Variants in ABCC1 observed in about 807,000 individuals in gnomAD.
ABCC1 encodes multidrug resistance-associated protein 1.
A neutral mutation model predicts 172.9 loss-of-function variants in ABCC1; 83 were observed. The ratio of observed to expected loss-of-function variants is 0.48; its 90% CI spans 0.40 to 0.58. The LOEUF (loss-of-function observed/expected upper bound fraction) is 0.58, where lower values mean the gene tolerates loss of function less well. Ranked by LOEUF, ABCC1 falls within the 20% of genes least tolerant of loss-of-function variation. ABCC1 has a pLI of 0.00. For synonymous variants in ABCC1, 937 were observed against 825.2 expected (o/e 1.14, Z -2.32); for missense variants, 1,817 against 2,002.7 (o/e 0.91, Z 1.77).
intron 27 of ABCC1, among the ~76,000 whole-genome samples, chr16:16,133,974 C>A (rs1334281227): frequency 6.6e-6 from 1 of 152,126 alleles, no homozygotes; most frequent in Non-Finnish European, 1.5e-5. Context: ...GGGAAACTCA[C>A]CATCAAAGGT....
chr16:16,106,633 C>G (rs1164573037), intron 20 of ABCC1, 105 bp from the exon 21 acceptor site: 1 of 1,407,034 alleles, frequency 7.1e-7, no homozygotes, highest in East Asian at 2.3e-5. Flanking sequence ...AACACTCCGT[C>G]TCTTATGCCA....
At chr16:16,048,100 A>C (rs770496823) in intron 9 of ABCC1, 42 bp from the exon 10 acceptor site, 3 of 1,608,812 alleles carry the variant, frequency 1.9e-6, no homozygotes, top group Non-Finnish European at 2.5e-6. Context: ...AGGCCTCTTC[A>C]GCTGCCACAC....
chr16:16,139,585 C>G (rs2046050363), intron 30 of ABCC1, among the ~76,000 whole-genome samples: 1 of 115,482 alleles, frequency 8.7e-6, no homozygotes, highest in East Asian at 2.6e-4. Context: ...GCAGTCCAGC[C>G]TGGGCAACAG....
At chr16:16,086,754 G>A (rs1008011705) in intron 17 of ABCC1, 70 bp from the exon 18 acceptor site, 13 of 1,560,838 alleles carry the variant, frequency 8.3e-6, no homozygotes, top group African/African-American at 6.7e-5. Flanking sequence ...CACCACACTC[G>A]GCCTGCTTCT....
intron 5 of ABCC1, among the ~76,000 whole-genome samples, chr16:16,029,791 G>C (rs1376998193): frequency 6.6e-6 from 1 of 152,114 alleles, no homozygotes; most frequent in Non-Finnish European, 1.5e-5. Flanking sequence ...TGAGGCAGGA[G>C]GATCACTTAA....
chr16:16,026,264 C>T (rs2048364199), intron 5 of ABCC1, among the ~76,000 whole-genome samples: 2 of 150,708 alleles, frequency 1.3e-5, no homozygotes, highest in Admixed American at 1.3e-4. Flanking sequence ...AAACCCCCGT[C>T]TGTACTACAA....
intron 12 of ABCC1, among the ~76,000 whole-genome samples, chr16:16,057,953 T>C (rs1229916854): frequency 1.3e-5 from 2 of 152,156 alleles, no homozygotes; most frequent in Admixed American, 6.6e-5. Context: ...GTTTCATTTG[T>C]GTTCATGATG....
At chr16:15,998,463 C>T (rs2047135278) in intron 1 of ABCC1, among the ~76,000 whole-genome samples, 1 of 152,120 alleles carries the variant, frequency 6.6e-6, no homozygotes, top group Admixed American at 6.6e-5. Flanking sequence ...ATGCTGTTGG[C>T]CGCTGTAGGG....
chr16:16,016,666 G>C (rs1251613978), intron 5 of ABCC1, 45 bp downstream of exon 5: 1 of 1,610,202 alleles, frequency 6.2e-7, no homozygotes, highest in African/African-American at 1.3e-5. Flanking sequence ...GTGTGTGAGA[G>C]AGATGCGTGA....
At chr16:16,139,658 A>G (rs1477057613) in intron 30 of ABCC1, among the ~76,000 whole-genome samples, 3 of 148,332 alleles carry the variant, frequency 2.0e-5, no homozygotes, top group Non-Finnish European at 1.5e-5. Context: ...CCTGGATTTT[A>G]TTTATACTAA....
chr16:15,996,073 C>T (rs1268518353), intron 1 of ABCC1, among the ~76,000 whole-genome samples: 1 of 151,220 alleles, frequency 6.6e-6, no homozygotes, highest in African/African-American at 2.4e-5. Flanking sequence ...CAACCTCCAC[C>T]TCCTGGGTTC....
At chr16:16,121,158 C>G (rs2045138045) in intron 23 of ABCC1, among the ~76,000 whole-genome samples, 1 of 152,156 alleles carries the variant, frequency 6.6e-6, no homozygotes, top group African/African-American at 2.4e-5. Flanking sequence ...ACATGTCACC[C>G]TCACAATGAC....
At chr16:16,128,796 C>T (rs866803797) in intron 26 of ABCC1, among the ~76,000 whole-genome samples, 2 of 151,962 alleles carry the variant, frequency 1.3e-5, no homozygotes, top group Non-Finnish European at 1.5e-5. Context: ...GCCAGGAGTT[C>T]GAGACCAGCC....
At chr16:15,997,510 C>T (rs2047097963) in intron 1 of ABCC1, among the ~76,000 whole-genome samples, 1 of 152,132 alleles carries the variant, frequency 6.6e-6, no homozygotes, top group African/African-American at 2.4e-5. Flanking sequence ...AATTGTGTGT[C>T]TGGAGAGTTG....
chr16:16,031,796 T>A (rs946264684), intron 5 of ABCC1, among the ~76,000 whole-genome samples: 1 of 152,162 alleles, frequency 6.6e-6, no homozygotes, highest in Non-Finnish European at 1.5e-5. Context: ...GTCTCATTGG[T>A]AATATTTCTC....
intron 20 of ABCC1, among the ~76,000 whole-genome samples, chr16:16,106,341 T>C (rs1030422503): frequency 4.6e-5 from 7 of 150,710 alleles, no homozygotes; most frequent in Non-Finnish European, 1.0e-4. Flanking sequence ...GTTTGAAAAA[T>C]GATCTACGAT....
intron 22 of ABCC1, among the ~76,000 whole-genome samples, chr16:16,114,270 C>T (rs2044745560): frequency 6.6e-6 from 1 of 152,144 alleles, no homozygotes; most frequent in Non-Finnish European, 1.5e-5. Flanking sequence ...ACATGTAAAA[C>T]CCAGCACAGT....
intron 5 of ABCC1, 65 bp from the exon 6 acceptor site, chr16:16,033,044 C>A (rs2048610265): frequency 6.6e-7 from 1 of 1,519,634 alleles, no homozygotes; most frequent in Non-Finnish European, 9.1e-7. Flanking sequence ...TAAGCTCTGA[C>A]CTGGATGAAA....
chr16:15,987,345 G>C lies in ABCC1; in HGVS notation c.49-20471G>C, dbSNP rs147267933. Among the ~76,000 whole-genome samples the C allele has an allele frequency of 6.6e-5, 10 of 152,304 alleles. No homozygotes were observed. In the East Asian group the frequency reaches 1.9e-3, roughly 29 times the overall value. Reference sequence around the variant, plus strand: ...AAACTGAGGTTTAGTTGCTGGCCTAGTATTACAGGGTGAGGAGCTGAAGCC... The same window carrying C: ...AAACTGAGGTTTAGTTGCTGGCCTACTATTACAGGGTGAGGAGCTGAAGCC... On this transcript the variant is annotated intron_variant, in intron 1 of 30. Coordinates refer to ENST00000399410, the MANE Select transcript of ABCC1 (RefSeq NM_004996.4).
Sources: gnomAD v4.1 joint callset for allele counts (sites outside exome capture counted in the v4.1 genomes callset) on GRCh38, gnomAD v4.1.1 for gene constraint, MANE v1.5 for transcripts, NCBI Gene and HGNC (gene_info 2026-07-23, HGNC 2026-07-21) for gene names.